The following MARCHF1 variants were observed in gnomAD, a reference collection of about 807,000 sequenced individuals.
The protein encoded by MARCHF1 is membrane associated ring-CH-type finger 1.
In MARCHF1, 40 loss-of-function variants were observed where a neutral mutation model predicts 54.2. The ratio of observed to expected loss-of-function variants is 0.74; its 90% CI spans 0.57 to 0.96. The LOEUF is 0.96. MARCHF1 is among the 40% of genes least tolerant of loss of function. The pLI, the probability that MARCHF1 is intolerant of heterozygous loss-of-function variation, is 0.00. For missense variants in MARCHF1, 586 were observed against 656.5 expected, an observed-to-expected ratio of 0.89 and a Z score of 1.17; for synonymous variants, 236 against 236.3, an observed-to-expected ratio of 1.00 and a Z score of 0.01.
chr4:164,300,544 G>A (rs1734529399), intron 1 of MARCHF1, among the ~76,000 whole-genome samples: 1 of 151,926 alleles, frequency 6.6e-6, no homozygotes, highest in African/African-American at 2.4e-5. Flanking sequence ...AGTAATACTA[G>A]TTAGTTGTTT....
At chr4:163,988,207 C>T (rs200058999) in intron 3 of MARCHF1, among the ~76,000 whole-genome samples, 1 of 151,494 alleles carries the variant, frequency 6.6e-6, no homozygotes, top group Admixed American at 6.6e-5. Flanking sequence ...TTGTAACCCA[C>T]AAGCCATAAA....
intron 8 of MARCHF1, among the ~76,000 whole-genome samples, chr4:163,560,877 A>T (rs1449282197): frequency 1.3e-5 from 2 of 152,170 alleles, no homozygotes; most frequent in Non-Finnish European, 2.9e-5. Flanking sequence ...TACATCCTGC[A>T]ATCTTGCTAA....
At chr4:163,551,560 G>A (rs759118030) in intron 8 of MARCHF1, among the ~76,000 whole-genome samples, 1 of 152,172 alleles carries the variant, frequency 6.6e-6, no homozygotes, top group Non-Finnish European at 1.5e-5. Context: ...ACTAGTTAAG[G>A]CACTCACTGT....
chr4:164,204,340 A>G (rs1284174745), intron 1 of MARCHF1, among the ~76,000 whole-genome samples: 1 of 152,216 alleles, frequency 6.6e-6, no homozygotes. Flanking sequence ...TTCACTTACA[A>G]AAATTGTTTT....
chr4:163,622,533 C>T (rs1406459385), intron 5 of MARCHF1, among the ~76,000 whole-genome samples: 7 of 152,186 alleles, frequency 4.6e-5, no homozygotes, highest in Non-Finnish European at 1.0e-4. Flanking sequence ...AAATCACATG[C>T]TTTCCTTCCT....
chr4:164,213,514 C>A (rs1216093849), intron 1 of MARCHF1, among the ~76,000 whole-genome samples: 2 of 151,982 alleles, frequency 1.3e-5, no homozygotes, highest in South Asian at 2.1e-4. Context: ...GGATTACAGG[C>A]GTGAGCCATC....
rs535483679 is a variant in MARCHF1, at chr4:163,554,389, TAGA to T, written c.1192-8649_1192-8647del. ...AGTAGAGTCAGAGGCCAAGGGAACA[TAGA>T]AGGTGTTGGAAAGAACAATGGAGAG... On this transcript the variant is annotated intron_variant, in intron 8 of 9. Transcript: ENST00000514618. Among the ~76,000 whole-genome samples the T allele has an allele frequency of 2.7e-3, 406 of 152,110 alleles. 3 individuals carry two copies. Among genetic ancestry groups the T allele is most frequent in the Non-Finnish European group, 4.2e-3 (283 of 67,990 alleles).
intron 2 of MARCHF1, among the ~76,000 whole-genome samples, chr4:164,105,068 G>A (rs1436625893): frequency 1.7e-5 from 1 of 58,104 alleles, no homozygotes; most frequent in Non-Finnish European, 4.7e-5. Context: ...GGGATGTGAA[G>A]GACCTCTTCA....
intron 2 of MARCHF1, among the ~76,000 whole-genome samples, chr4:164,032,184 T>G (rs1753891646): frequency 6.6e-6 from 1 of 152,184 alleles, no homozygotes; most frequent in African/African-American, 2.4e-5. Context: ...TGATATCCCC[T>G]TTAGCATTTC....
At chr4:164,027,397 A>T (rs1753793838) in intron 2 of MARCHF1, among the ~76,000 whole-genome samples, 1 of 138,064 alleles carries the variant, frequency 7.2e-6, no homozygotes, top group South Asian at 2.3e-4. Flanking sequence ...AAAAAAAGAT[A>T]CATAGATAAA....
intron 2 of MARCHF1, among the ~76,000 whole-genome samples, chr4:164,074,862 T>A (rs942749709): frequency 6.6e-6 from 1 of 151,148 alleles, no homozygotes; most frequent in East Asian, 1.9e-4. Context: ...TTTATCTGAA[T>A]AAATTTCTTC....
intron 1 of MARCHF1, among the ~76,000 whole-genome samples, chr4:164,160,860 C>T (rs538327190): frequency 2.0e-5 from 3 of 152,022 alleles, no homozygotes; most frequent in African/African-American, 7.2e-5. Flanking sequence ...GAAGACAGAC[C>T]ACACAATTAG....
chr4:164,023,568 C>T (rs1313022476), intron 2 of MARCHF1, among the ~76,000 whole-genome samples: 4 of 152,018 alleles, frequency 2.6e-5, no homozygotes, highest in Non-Finnish European at 5.9e-5. Flanking sequence ...TCTGAAAATA[C>T]TTAAAATAAA....
At chr4:163,781,071 C>T (rs1247317409) in intron 4 of MARCHF1, among the ~76,000 whole-genome samples, 1 of 151,776 alleles carries the variant, frequency 6.6e-6, no homozygotes, top group Admixed American at 6.6e-5. Context: ...AGGCCGGGCA[C>T]GGTGGCTCAC....
chr4:164,257,192 T>C (rs1297686576), intron 1 of MARCHF1, among the ~76,000 whole-genome samples: 1 of 152,178 alleles, frequency 6.6e-6, no homozygotes, highest in Admixed American at 6.5e-5. Context: ...AGTAAAACTT[T>C]AAAATGTGAT....
chr4:163,920,738 T>G (rs139930484), intron 3 of MARCHF1, among the ~76,000 whole-genome samples: 4 of 152,318 alleles, frequency 2.6e-5, no homozygotes, highest in Middle Eastern at 3.4e-3. Context: ...TTTGCTATAA[T>G]TTTGTATTTT....
intron 2 of MARCHF1, among the ~76,000 whole-genome samples, chr4:163,995,986 GA>G (rs1330874838): frequency 1.3e-5 from 2 of 151,932 alleles, no homozygotes; most frequent in Non-Finnish European, 2.9e-5. Flanking sequence ...GAATAGTTCT[GA>G]AAAGAATATA....
chr4:163,628,750 A>C (rs939633601), intron 5 of MARCHF1, among the ~76,000 whole-genome samples: 3 of 152,204 alleles, frequency 2.0e-5, no homozygotes, highest in African/African-American at 7.2e-5. Flanking sequence ...CCTATACATC[A>C]ATAACAGACA....
chr4:163,606,305 C>T (rs946688883), intron 7 of MARCHF1, among the ~76,000 whole-genome samples: 5 of 152,090 alleles, frequency 3.3e-5, no homozygotes, highest in African/African-American at 9.7e-5. Flanking sequence ...TTAGCATGCA[C>T]TGATTCGGAA....
Sources: allele counts gnomAD v4.1 joint callset (sites outside exome capture counted in the v4.1 genomes callset), GRCh38; gene constraint gnomAD v4.1.1; transcripts MANE v1.5; gene names NCBI Gene and HGNC (gene_info 2026-07-23, HGNC 2026-07-21).